GLI3: variants seen among roughly 807,000 people sequenced by gnomAD.
The protein encoded by GLI3 is GLI family zinc finger 3.
In GLI3, 20 loss-of-function variants were observed where a neutral mutation model predicts 100.8. The ratio of observed to expected loss-of-function variants is 0.20; its 90% CI spans 0.14 to 0.29. The LOEUF (loss-of-function observed/expected upper bound fraction) is 0.29, where lower values mean the gene tolerates loss of function less well. GLI3 is among the 10% of genes least tolerant of loss of function. GLI3 has a pLI of 1.00. For missense variants in GLI3, 2,040 were observed against 2,128.5 expected (o/e 0.96, Z 0.82); for synonymous variants, 938 against 860.5 (o/e 1.09, Z -1.58).
chr7:42,194,370 G>A (rs1787884495), intron 2 of GLI3, among the ~76,000 whole-genome samples: 1 of 152,184 alleles, frequency 6.6e-6, no homozygotes. Flanking sequence ...GCTCCCAGGA[G>A]GCAGCACTTT....
intron 6 of GLI3, among the ~76,000 whole-genome samples, chr7:42,044,139 C>T (rs567413598): frequency 3.3e-4 from 50 of 152,188 alleles, no homozygotes; most frequent in African/African-American, 1.1e-3. Flanking sequence ...CTTTCTAGTC[C>T]GAGACTCAGG....
At chr7:42,132,715 C>T (rs2128778137) in intron 3 of GLI3, among the ~76,000 whole-genome samples, 1 of 152,312 alleles carries the variant, frequency 6.6e-6, no homozygotes, top group Middle Eastern at 3.4e-3. Context: ...TACAGGCTTA[C>T]AGCCTCACAA....
intron 3 of GLI3, among the ~76,000 whole-genome samples, chr7:42,132,352 G>C (rs1021770350): frequency 6.6e-6 from 1 of 152,058 alleles, no homozygotes; most frequent in Non-Finnish European, 1.5e-5. Flanking sequence ...CGCCCGCCTT[G>C]ACCTCCCAAA....
chr7:42,049,792 T>C (rs979673067), intron 4 of GLI3, among the ~76,000 whole-genome samples: 1 of 152,204 alleles, frequency 6.6e-6, no homozygotes. Flanking sequence ...GAACTGGCTC[T>C]GACAGGTTAA....
intron 4 of GLI3, among the ~76,000 whole-genome samples, chr7:42,062,909 C>G (rs192005089): frequency 6.6e-6 from 1 of 152,236 alleles, no homozygotes; most frequent in Admixed American, 6.5e-5. Context: ...ATTGGTATGA[C>G]TGAATATTTT....
At chr7:42,161,485 C>T (rs1244227416) in intron 2 of GLI3, among the ~76,000 whole-genome samples, 1 of 151,920 alleles carries the variant, frequency 6.6e-6, no homozygotes, top group African/African-American at 2.4e-5. Flanking sequence ...ACAACAACAC[C>T]CATTAGTAAA....
chr7:42,190,977 A>G (rs925128047), intron 2 of GLI3, among the ~76,000 whole-genome samples: 3 of 152,104 alleles, frequency 2.0e-5, no homozygotes, highest in African/African-American at 7.2e-5. Flanking sequence ...TTTTAAAAAA[A>G]AGAATGAAAC....
chr7:42,204,737 T>A (rs1387041092), intron 2 of GLI3, among the ~76,000 whole-genome samples: 1 of 152,192 alleles, frequency 6.6e-6, no homozygotes, highest in Non-Finnish European at 1.5e-5. Context: ...TGAGCTTGAT[T>A]CCATTTGAGT....
intron 1 of GLI3, among the ~76,000 whole-genome samples, chr7:42,236,621 T>C (rs1788802790): frequency 6.6e-6 from 1 of 152,164 alleles, no homozygotes; most frequent in South Asian, 2.1e-4. Context: ...GCCAGGCGCG[T>C]GCGGGGCTCG....
chr7:42,049,033 G>GT (rs1784302435), intron 4 of GLI3, among the ~76,000 whole-genome samples: 1 of 152,012 alleles, frequency 6.6e-6, no homozygotes, highest in African/African-American at 2.4e-5. Context: ...TGCTACAATT[G>GT]TATTTTCCAC....
chr7:42,237,098 G>A lies in GLI3; in HGVS notation c.-170C>T, dbSNP rs1393595630. 6.8e-6 allele frequency: 1 copy of A among 147,148 alleles called. No homozygotes were observed. The highest frequency in any genetic ancestry group is 2.4e-5 in the African/African-American group (1 of 40,902). The allele number at this position is 147,148 out of a possible 1,614,324, so 9.1% of individuals were successfully genotyped here. On this transcript the variant is annotated 5_prime_UTR_variant, in exon 1 of 15. Coordinates refer to ENST00000395925, the MANE Select transcript of GLI3 (RefSeq NM_000168.6). ...TACCGCGAGCGGCCGGGCTGGGCGC[G>A]GGGTGCGCCCGCCGCGGGCATGGTG...
intron 4 of GLI3, among the ~76,000 whole-genome samples, chr7:42,066,115 A>T (rs147099799): frequency 6.6e-6 from 1 of 152,280 alleles, no homozygotes; most frequent in African/African-American, 2.4e-5. Flanking sequence ...TTGTCAGAGC[A>T]AGGCCAGGGA....
intron 3 of GLI3, among the ~76,000 whole-genome samples, chr7:42,093,251 T>C (rs1785266349): frequency 6.6e-6 from 1 of 151,462 alleles, no homozygotes. Flanking sequence ...TGGTGGCACA[T>C]GCCTGTAATC....
chr7:42,001,875 A>C (rs1226035736), intron 10 of GLI3, among the ~76,000 whole-genome samples: 1 of 152,218 alleles, frequency 6.6e-6, no homozygotes, highest in Non-Finnish European at 1.5e-5. Context: ...TTTAAATTAT[A>C]AATTGTCTTG....
intron 4 of GLI3, among the ~76,000 whole-genome samples, chr7:42,073,613 AATCTTT>A (rs1467717864): frequency 6.6e-6 from 1 of 152,248 alleles, no homozygotes; most frequent in Non-Finnish European, 1.5e-5. Flanking sequence ...CTTTCAATAG[AATCTTT>A]AATGATAGGA....
intron 2 of GLI3, among the ~76,000 whole-genome samples, chr7:42,166,230 A>G (rs1787238400): frequency 6.6e-6 from 1 of 152,182 alleles, no homozygotes; most frequent in Admixed American, 6.5e-5. Context: ...ATTCACTTGT[A>G]TGTCTCCATC....
chr7:42,220,677 T>C (rs765399415), intron 2 of GLI3, among the ~76,000 whole-genome samples: 47 of 152,226 alleles, frequency 3.1e-4, no homozygotes, highest in African/African-American at 1.1e-3. Flanking sequence ...AAAAAGACCA[T>C]GGTAATTATT....
intron 2 of GLI3, among the ~76,000 whole-genome samples, chr7:42,193,910 G>A (rs1197091088): frequency 4.6e-5 from 7 of 152,262 alleles, no homozygotes; most frequent in African/African-American, 1.7e-4. Context: ...TAACTTTAAA[G>A]AAAATAAAAC....
intron 10 of GLI3, among the ~76,000 whole-genome samples, chr7:41,987,105 C>CAGACACAG (rs755967828): frequency 1.2e-4 from 15 of 125,752 alleles, no homozygotes; most frequent in East Asian, 3.9e-4. Context: ...GACACAGACA[C>CAGACACAG]ACACACACAC....
Sources: gnomAD v4.1 joint callset for allele counts (sites outside exome capture counted in the v4.1 genomes callset) on GRCh38, gnomAD v4.1.1 for gene constraint, MANE v1.5 for transcripts, NCBI Gene and HGNC (gene_info 2026-07-23, HGNC 2026-07-21) for gene names.